The following CTCFL variants were observed in gnomAD, a reference collection of about 807,000 sequenced individuals.
CTCFL encodes transcriptional repressor CTCFL.
CTCFL carries 36 observed loss-of-function variants against 67.4 expected under a neutral mutation model. The observed-to-expected ratio is 0.53, with a 90% confidence interval of 0.41 to 0.71. CTCFL has a LOEUF of 0.71. CTCFL is among the 30% of genes least tolerant of loss of function. The pLI is 0.00. For missense variants in CTCFL, 786 were observed against 835.2 expected (o/e 0.94, Z 0.73); for synonymous variants, 324 against 302.3 (o/e 1.07, Z -0.75).
chr20:57,525,075 T>G lies in CTCFL; in HGVS notation c.-59A>C, dbSNP rs1393556945. On this transcript the variant is annotated 5_prime_UTR_variant, in exon 1 of 11. Transcript: ENST00000243914. ...CTCGGCCCACTCCGTCTTTGGCTTG[T>G]GGGCTCTGCCTCGTGCACCGCGTGC... is the stretch of plus-strand genomic sequence containing the variant. 1.3e-5 allele frequency: 2 copies of G among 151,768 alleles called. No individual in the cohort carries two copies. The highest frequency in any genetic ancestry group is 4.8e-5 in the African/African-American group (2 of 41,254). 9.4% of individuals were successfully genotyped at this position (151,768 alleles called of 1,614,324 possible).
chr20:57,506,981 T>TA lies in CTCFL; in HGVS notation c.1674+1624dup, dbSNP rs1201526930. The TA allele has an allele frequency of 6.8e-5, 67 of 984,772 alleles. No homozygotes were observed. The East Asian group carries it at 1.5e-3, about 22-fold the overall frequency. 61.0% of individuals were successfully genotyped at this position (984,772 alleles called of 1,614,324 possible). ...CTACTGTTTTAAGAAGAAATATTTT[T>TA]AAAAAAATAGTCAACTTCAGGAAAT... On this transcript the variant is annotated intron_variant, in intron 9 of 10. Coordinates refer to ENST00000243914, the MANE Select transcript of CTCFL (RefSeq NM_001386993.1).
intron 5 of CTCFL, among the ~76,000 whole-genome samples, chr20:57,517,132 A>T (rs1210013704): frequency 1.3e-5 from 2 of 152,250 alleles, no homozygotes; most frequent in East Asian, 3.8e-4. Context: ...GCCTTCAAGT[A>T]TATTAGAAAG....
At chr20:57,498,970 C>T (rs1005369655) in intron 10 of CTCFL, among the ~76,000 whole-genome samples, 2 of 151,216 alleles carry the variant, frequency 1.3e-5, no homozygotes, top group African/African-American at 2.4e-5. Flanking sequence ...AGGATGTTAG[C>T]AGCGACCCTG....
At chr20:57,509,917 C>T (rs1331908192) in intron 8 of CTCFL, among the ~76,000 whole-genome samples, 1 of 152,174 alleles carries the variant, frequency 6.6e-6, no homozygotes, top group Admixed American at 6.5e-5. Context: ...CCATGACCTG[C>T]CTGGCTGCTC....
At chr20:57,521,204 G>C (rs1447442742) in intron 3 of CTCFL, among the ~76,000 whole-genome samples, 5 of 152,166 alleles carry the variant, frequency 3.3e-5, no homozygotes, top group African/African-American at 1.2e-4. Flanking sequence ...ACTTTGTCAT[G>C]GCGTCCCTGG....
rs546927444 is a variant in CTCFL at position 57,522,233 on chromosome 20, A to T, written c.754+835T>A. Among the ~76,000 whole-genome samples the T allele has an allele frequency of 2.0e-5, 3 of 152,290 alleles. No homozygotes were observed. In the South Asian group the frequency reaches 6.2e-4, roughly 32 times the overall value. The stretch of plus-strand genomic sequence containing the variant: ...GTTTGGTTGGCATTCTCCTTTTCTA[A>T]ACTGAGTCACCTTCCAATCCCAGGC... On this transcript the variant is annotated intron_variant, in intron 3 of 10. Transcript: ENST00000243914.
intron 4 of CTCFL, 37 bp from the exon 5 acceptor site, chr20:57,518,928 C>T: frequency 1.3e-6 from 2 of 1,576,126 alleles, no homozygotes; most frequent in Non-Finnish European, 1.7e-6. Flanking sequence ...CAAAACAAGA[C>T]TTAACCAGAA....
chr20:57,516,115 C>T (rs575401789), intron 5 of CTCFL, among the ~76,000 whole-genome samples: 3 of 152,178 alleles, frequency 2.0e-5, no homozygotes, highest in Admixed American at 6.5e-5. Context: ...AGCCTACCTG[C>T]CAAATGCCAT....
intron 6 of CTCFL, 61 bp downstream of exon 6, chr20:57,515,653 T>A (rs1041885664): frequency 1.9e-6 from 3 of 1,607,282 alleles, no homozygotes; most frequent in Non-Finnish European, 2.5e-6. Flanking sequence ...AAGTAATTTT[T>A]TAAAGCTTGC....
At chr20:57,501,121 T>C (rs1266312669) in intron 10 of CTCFL, among the ~76,000 whole-genome samples, 1 of 152,156 alleles carries the variant, frequency 6.6e-6, no homozygotes, top group Non-Finnish European at 1.5e-5. Flanking sequence ...ATTCAACAAG[T>C]GGTGACTTAA....
chr20:57,512,858 C>T lies in CTCFL; in HGVS notation c.1331-106G>A, dbSNP rs1208377069. The stretch of plus-strand genomic sequence containing the variant: ...TTCTCAGCCTTGGCGCTGGAACATG[C>T]TAGTTCCTTCCTGGGCAGGGCAGGG... On this transcript the variant is annotated intron_variant, in intron 7 of 10. Coordinates refer to ENST00000243914, the MANE Select transcript of CTCFL (RefSeq NM_001386993.1). The T allele has an allele frequency of 9.5e-6, 10 of 1,050,754 alleles. No individual in the cohort carries two copies. In the East Asian group the frequency reaches 2.5e-4, roughly 26 times the overall value. 65.1% of individuals were successfully genotyped at this position (1,050,754 alleles called of 1,614,324 possible). A position where few individuals can be genotyped will look rare whatever the true frequency, so the allele number is the denominator to read the frequency against.
rs150556832 is a variant in CTCFL at position 57,505,971 on chromosome 20, T to C, written c.1675-2370A>G. 4.9e-3 allele frequency among the ~76,000 whole-genome samples: 742 copies of C among 152,344 alleles called. 9 individuals are homozygous for C. Among genetic ancestry groups the C allele is most frequent in the African/African-American group, 0.017 (698 of 41,580 alleles). ...ACTGTGCTTAACAGGACTGTCTGCG[T>C]TTATGATGGAAGAAGGAAGAATTTA... On this transcript the variant is annotated intron_variant, in intron 9 of 10. Coordinates refer to ENST00000243914, the MANE Select transcript of CTCFL (RefSeq NM_001386993.1).
intron 9 of CTCFL, chr20:57,507,647 C>G: frequency 1.4e-6 from 1 of 702,998 alleles, no homozygotes; most frequent in Middle Eastern, 2.3e-4. Flanking sequence ...AGTTGTGTGG[C>G]GGAGCTGTCC....
chr20:57,511,276 C>A (rs4811867), intron 8 of CTCFL, among the ~76,000 whole-genome samples: 1 of 152,142 alleles, frequency 6.6e-6, no homozygotes, highest in African/African-American at 2.4e-5. Flanking sequence ...CTGAGCTCAA[C>A]AGTTCTGTCC....
In CTCFL at chr20:57,498,538, C is replaced by T; in HGVS notation, c.*12G>A. 1.2e-6 allele frequency: 2 copies of T among 1,608,386 alleles called. No homozygotes were observed. The highest frequency in any genetic ancestry group is 1.7e-5 in the Admixed American group (1 of 59,246). ...GGAATTGGGGGCAGTGAACACGCAA[C>T]CCGAATCCCTCTCACTTATCCATCG... On this transcript the variant is annotated 3_prime_UTR_variant, in exon 11 of 11. Coordinates refer to ENST00000243914, the MANE Select transcript of CTCFL (RefSeq NM_001386993.1).
chr20:57,512,654 G>T lies in CTCFL; in HGVS notation c.1429C>A (p.Gln477Lys). 2 of 1,614,200 alleles carry T rather than the reference G, an allele frequency of 1.2e-6. No homozygotes were observed. Among genetic ancestry groups the T allele is most frequent in the South Asian group, 2.2e-5 (2 of 91,082 alleles). ...CTCTTCTCATTCTTATGAGTTTTCT[G>T]GTGCTGAATGAGGGCATAGCGTTCA... Reference protein sequence around the residue: ...FHERYALIQHQKTHKNEKRFK... With the variant: ...FHERYALIQHKKTHKNEKRFK... Residue 477 changes from glutamine (Q) to lysine (K), a missense_variant, in exon 8 of 11, where the codon CAG (glutamine) becomes AAG (lysine). Physicochemically the swap from Gln to Lys is moderately conservative, Grantham distance 53. Transcript: ENST00000243914.
At chr20:57,509,775 T>A (rs141261572) in intron 8 of CTCFL, among the ~76,000 whole-genome samples, 72 of 152,310 alleles carry the variant, frequency 4.7e-4, no homozygotes, top group Non-Finnish European at 8.2e-4. Context: ...CTAAACACCC[T>A]CTTCCATGCA....
chr20:57,522,440 T>A (rs2069450207), intron 3 of CTCFL, among the ~76,000 whole-genome samples: 2 of 152,232 alleles, frequency 1.3e-5, no homozygotes, highest in Non-Finnish European at 2.9e-5. Flanking sequence ...GCTGCTGGAA[T>A]GAAATCTCAG....
rs968148848 is a variant in CTCFL, at chr20:57,497,917, C to T, written c.*633G>A. 9 of 953,002 alleles carry T rather than the reference C, an allele frequency of 9.4e-6. No individual in the cohort carries two copies. The highest frequency in any genetic ancestry group is 1.8e-5 in the African/African-American group (1 of 56,342). The allele number at this position is 953,002 out of a possible 1,614,324, so 59.0% of individuals were successfully genotyped here. On this transcript the variant is annotated 3_prime_UTR_variant, in exon 11 of 11. Transcript: ENST00000243914. The stretch of plus-strand genomic sequence containing the variant: ...ATCGATTTATTCCTTATTTTCTAGT[C>T]TAATCTAGTATTTCATTTCCTACTC...
Sources: allele counts gnomAD v4.1 joint callset (sites outside exome capture counted in the v4.1 genomes callset), GRCh38; gene constraint gnomAD v4.1.1; transcripts MANE v1.5; gene names NCBI Gene and HGNC (gene_info 2026-07-23, HGNC 2026-07-21).